Variants in LAMC1 observed in about 807,000 individuals in gnomAD.
LAMC1 encodes the protein laminin subunit gamma-1.
LAMC1 carries 38 observed loss-of-function variants against 173.6 expected under a neutral mutation model. The ratio of observed to expected loss-of-function variants is 0.22; its 90% CI spans 0.17 to 0.29. The LOEUF (loss-of-function observed/expected upper bound fraction) is 0.29. LAMC1 is among the 10% of genes least tolerant of loss of function. The pLI, the probability that LAMC1 is intolerant of heterozygous loss-of-function variation, is 1.00. For missense variants in LAMC1, 1,824 were observed against 2,051.8 expected, an observed-to-expected ratio of 0.89 and a Z score of 2.14; for synonymous variants, 746 against 749.1, an observed-to-expected ratio of 1.00 and a Z score of 0.07.
Position 183,023,886 on chromosome 1 carries a change from C to T in LAMC1, c.170C>T (p.Ala57Val). Residue 57 changes from alanine to valine, a missense_variant, in exon 1 of 28, where the codon GCC becomes GTC. Ala to Val is a moderately conservative substitution (Grantham distance 64). Coordinates refer to ENST00000258341, the MANE Select transcript of LAMC1 (RefSeq NM_002293.4). ...PQRCMPEFVN[A>V]AFNVTVVATN... Reference sequence around the variant, plus strand: ...CGCTGCATGCCCGAGTTCGTCAACGCCGCCTTCAACGTGACTGTGGTGGCC... The same window carrying T: ...CGCTGCATGCCCGAGTTCGTCAACGTCGCCTTCAACGTGACTGTGGTGGCC... The T allele has an allele frequency of 6.2e-7, 1 of 1,612,632 alleles. No homozygotes were observed.
intron 1 of LAMC1, among the ~76,000 whole-genome samples, chr1:183,032,678 A>G (rs1256380121): frequency 6.6e-6 from 1 of 152,122 alleles, no homozygotes; most frequent in Admixed American, 6.5e-5. Context: ...ATGAGTCACC[A>G]TGCCTGGCCT....
At chr1:183,033,965 C>G (rs1429687313) in intron 1 of LAMC1, among the ~76,000 whole-genome samples, 1 of 152,098 alleles carries the variant, frequency 6.6e-6, no homozygotes, top group African/African-American at 2.4e-5. Context: ...TCCCAAAGTG[C>G]TGGGATTACA....
At chr1:183,071,238 G>A (rs1244041358) in intron 1 of LAMC1, among the ~76,000 whole-genome samples, 4 of 152,074 alleles carry the variant, frequency 2.6e-5, no homozygotes, top group Admixed American at 6.6e-5. Flanking sequence ...AGTAACTTGG[G>A]ATTGTGCCTG....
intron 1 of LAMC1, among the ~76,000 whole-genome samples, chr1:183,075,159 C>G (rs912818736): frequency 6.8e-6 from 1 of 147,728 alleles, no homozygotes; most frequent in African/African-American, 2.5e-5. Flanking sequence ...GGGTGTTACT[C>G]CTGTTGCCCA....
intron 2 of LAMC1, among the ~76,000 whole-genome samples, chr1:183,107,009 G>C: frequency 6.6e-6 from 1 of 152,154 alleles, no homozygotes; most frequent in East Asian, 1.9e-4. Flanking sequence ...GGGATCATTA[G>C]TATAGCATTC....
intron 1 of LAMC1, among the ~76,000 whole-genome samples, chr1:183,055,277 AC>A (rs1243012491): frequency 3.3e-5 from 5 of 151,790 alleles, no homozygotes; most frequent in Non-Finnish European, 7.4e-5. Flanking sequence ...GGTATGAGCC[AC>A]CGCGCCCGGA....
At chr1:183,113,766 G>C (rs1390957782) in intron 4 of LAMC1, among the ~76,000 whole-genome samples, 3 of 152,176 alleles carry the variant, frequency 2.0e-5, no homozygotes, top group Non-Finnish European at 4.4e-5. Context: ...TTGGAAGTTA[G>C]TGTCTTAATG....
intron 21 of LAMC1, 126 bp from the exon 22 acceptor site, chr1:183,133,280 A>T: frequency 3.9e-6 from 3 of 774,574 alleles, no homozygotes; most frequent in Non-Finnish European, 6.3e-6. Flanking sequence ...TTAAAATGCA[A>T]GCATTTTAAT....
chr1:183,059,765 C>A (rs912781183), intron 1 of LAMC1, among the ~76,000 whole-genome samples: 1 of 152,016 alleles, frequency 6.6e-6, no homozygotes, highest in African/African-American at 2.4e-5. Flanking sequence ...AGGCTGGGAT[C>A]GTGTGTGGCA....
At chr1:183,138,870 A>G (rs750753158) in intron 26 of LAMC1, among the ~76,000 whole-genome samples, 1 of 152,154 alleles carries the variant, frequency 6.6e-6, no homozygotes, top group Non-Finnish European at 1.5e-5. Context: ...CCTGGCCAAC[A>G]TGGTGAAACG....
intron 22 of LAMC1, 108 bp from the exon 23 acceptor site, chr1:183,134,552 C>G: frequency 1.1e-6 from 1 of 875,400 alleles, no homozygotes; most frequent in Non-Finnish European, 1.8e-6. Flanking sequence ...CTGTGCAGTT[C>G]TTTTAAAAAT....
intron 1 of LAMC1, among the ~76,000 whole-genome samples, chr1:183,064,300 G>A (rs757263727): frequency 6.6e-6 from 1 of 152,016 alleles, no homozygotes; most frequent in Non-Finnish European, 1.5e-5. Flanking sequence ...AACTTCGATG[G>A]TATGGGCCTA....
intron 1 of LAMC1, among the ~76,000 whole-genome samples, chr1:183,084,380 A>G (rs768179023): frequency 9.2e-5 from 14 of 152,118 alleles, no homozygotes; most frequent in Non-Finnish European, 1.9e-4. Context: ...TTACAACATC[A>G]GCACTTTTAA....
At chr1:183,102,729 C>G (rs1655866774) in intron 1 of LAMC1, among the ~76,000 whole-genome samples, 1 of 152,168 alleles carries the variant, frequency 6.6e-6, no homozygotes, top group Admixed American at 6.5e-5. Flanking sequence ...TTTCATTGTT[C>G]ATCCACTGAA....
chr1:183,136,744 C>T (rs566378527), intron 25 of LAMC1, among the ~76,000 whole-genome samples, 159 bp downstream of exon 25: 1 of 126,364 alleles, frequency 7.9e-6, no homozygotes, highest in South Asian at 3.1e-4. Context: ...TTTGACTAGG[C>T]ATGAGAGTAG....
intron 1 of LAMC1, among the ~76,000 whole-genome samples, chr1:183,055,616 A>G (rs1239335774): frequency 6.6e-6 from 1 of 152,054 alleles, no homozygotes; most frequent in African/African-American, 2.4e-5. Context: ...GATTGAGACC[A>G]TCCTGGCCAA....
At chr1:183,049,289 G>A (rs1198006119) in intron 1 of LAMC1, among the ~76,000 whole-genome samples, 1 of 152,150 alleles carries the variant, frequency 6.6e-6, no homozygotes, top group Non-Finnish European at 1.5e-5. Context: ...ATACTGGTCT[G>A]ATTGTAATTA....
At chr1:183,137,413 A>C (rs1010086552) in intron 25 of LAMC1, among the ~76,000 whole-genome samples, 23 of 152,190 alleles carry the variant, frequency 1.5e-4, no homozygotes, top group African/African-American at 5.5e-4. Flanking sequence ...ATAGAACAGA[A>C]GTTTCCAGGA....
chr1:183,048,896 T>G (rs970198187), intron 1 of LAMC1, among the ~76,000 whole-genome samples: 6 of 152,184 alleles, frequency 3.9e-5, no homozygotes, highest in Non-Finnish European at 8.8e-5. Context: ...AAATACCAGG[T>G]ATCACTTCCT....
Sources: allele counts gnomAD v4.1 joint callset (sites outside exome capture counted in the v4.1 genomes callset), GRCh38; gene constraint gnomAD v4.1.1; transcripts MANE v1.5; gene names NCBI Gene and HGNC (gene_info 2026-07-23, HGNC 2026-07-21).